Variants in CTDSPL observed in about 807,000 individuals in gnomAD.
CTDSPL encodes CTD small phosphatase like, also known as CTD small phosphatase-like protein.
In CTDSPL, 8 loss-of-function variants were observed where a neutral mutation model predicts 30.5. The ratio of observed to expected loss-of-function variants is 0.26; its 90% CI spans 0.15 to 0.47. The LOEUF is 0.47. Ranked by LOEUF, CTDSPL falls within the 20% of genes least tolerant of loss-of-function variation. CTDSPL has a pLI of 0.99. For synonymous variants in CTDSPL, 110 were observed against 137.9 expected (o/e 0.80, Z 1.42); for missense variants, 248 against 366.1 (o/e 0.68, Z 2.63).
chr3:37,920,766 A>G (rs1168392518), intron 1 of CTDSPL, among the ~76,000 whole-genome samples: 1 of 152,264 alleles, frequency 6.6e-6, no homozygotes, highest in South Asian at 2.1e-4. Context: ...TGCTTTCAGT[A>G]GCTCTAGGGG....
intron 1 of CTDSPL, among the ~76,000 whole-genome samples, chr3:37,921,451 T>C (rs942319500): frequency 1.3e-5 from 2 of 152,214 alleles, no homozygotes; most frequent in African/African-American, 4.8e-5. Flanking sequence ...TTAGAGACTG[T>C]ATTGCAGGTC....
intron 1 of CTDSPL, among the ~76,000 whole-genome samples, chr3:37,925,531 C>G (rs1698771580): frequency 6.6e-6 from 1 of 152,198 alleles, no homozygotes; most frequent in Non-Finnish European, 1.5e-5. Flanking sequence ...AGAATAGGAA[C>G]AAGCAGGGCT....
In CTDSPL at chr3:37,885,360, G is replaced by C. The variant is rs558590258; in HGVS notation, c.79+23082G>C. Among the ~76,000 whole-genome samples the C allele has an allele frequency of 2.0e-5, 3 of 152,324 alleles. No homozygotes were observed. In the South Asian group the frequency reaches 6.2e-4, roughly 32 times the overall value. ...TGTGGGTAGGTCAGAGGGTTGTGTT[G>C]CTGGAAGTTTCAGTGTTCTTCCTCA... On this transcript the variant is annotated intron_variant, in intron 1 of 7. Coordinates refer to ENST00000273179, the MANE Select transcript of CTDSPL (RefSeq NM_001008392.2).
chr3:37,877,708 G>A (rs1698154226), intron 1 of CTDSPL, among the ~76,000 whole-genome samples: 1 of 140,666 alleles, frequency 7.1e-6, no homozygotes, highest in Admixed American at 7.1e-5. Context: ...TATTTGGCTT[G>A]TGGTTCTGCG....
intron 3 of CTDSPL, among the ~76,000 whole-genome samples, chr3:37,957,688 G>A (rs1211379617): frequency 6.6e-6 from 1 of 152,194 alleles, no homozygotes; most frequent in African/African-American, 2.4e-5. Context: ...CAGGCCTGCT[G>A]TGCTGCCACT....
chr3:37,963,727 C>T (rs1699267585), intron 3 of CTDSPL, among the ~76,000 whole-genome samples: 1 of 152,000 alleles, frequency 6.6e-6, no homozygotes, highest in South Asian at 2.1e-4. Context: ...CTGAAGATAC[C>T]CAGCATTTTA....
Position 37,967,814 on chromosome 3 carries a change from T to G in CTDSPL, c.370-12T>G. ...CTTCAGACATATTAATTATAGTCTC[T>G]TTTTTCTCTAGCCTATTAGTAATGC... is the stretch of plus-strand genomic sequence containing the variant. On this transcript the variant is annotated splice_polypyrimidine_tract_variant and intron_variant, in intron 4 of 7. Transcript: ENST00000273179. 6.4e-7 allele frequency: 1 copy of G among 1,572,862 alleles called. No homozygotes were observed. The highest frequency in any genetic ancestry group is 8.6e-7 in the Non-Finnish European group (1 of 1,158,698).
Position 37,969,811 on chromosome 3 carries a change from A to C in CTDSPL, c.427-1596A>C, listed in dbSNP as rs145089215. Among the ~76,000 whole-genome samples, 18 of 151,768 alleles carry C rather than the reference A, an allele frequency of 1.2e-4. No homozygotes were observed. In the East Asian group the frequency reaches 2.9e-3, roughly 25 times the overall value. Reference sequence around the variant, plus strand: ...CACCCTCAGCCACAAATCCATGTCCACCTCCTTCTTTCAGTCACCCATGAA... The same window carrying C: ...CACCCTCAGCCACAAATCCATGTCCCCCTCCTTCTTTCAGTCACCCATGAA... On this transcript the variant is annotated intron_variant, in intron 5 of 7. Transcript: ENST00000273179.
chr3:37,908,737 A>G (rs1372120500), intron 1 of CTDSPL, among the ~76,000 whole-genome samples: 2 of 152,240 alleles, frequency 1.3e-5, no homozygotes, highest in Non-Finnish European at 2.9e-5. Flanking sequence ...GAAGGATAGT[A>G]ACAATTTACA....
In CTDSPL at chr3:37,980,868, C is replaced by T; in HGVS notation, c.*1C>T. The T allele has an allele frequency of 6.2e-7, 1 of 1,613,516 alleles. No individual in the cohort carries two copies. The highest frequency in any genetic ancestry group is 8.5e-7 in the Non-Finnish European group (1 of 1,179,582). ...GCTGCACAGACTCTGCAATAGGTAGCCCTGGCCTCTGCCTGCCTCCCGCCT... is the reference window on the plus strand; with the variant it reads ...GCTGCACAGACTCTGCAATAGGTAGTCCTGGCCTCTGCCTGCCTCCCGCCT... On this transcript the variant is annotated 3_prime_UTR_variant, in exon 8 of 8. Transcript: ENST00000273179.
intron 4 of CTDSPL, among the ~76,000 whole-genome samples, chr3:37,965,405 T>C (rs1382000850): frequency 6.6e-6 from 1 of 152,208 alleles, no homozygotes; most frequent in African/African-American, 2.4e-5. Context: ...ACCATTTTTT[T>C]TTGACGTGAA....
At chr3:37,952,336 G>A (rs930378473) in intron 2 of CTDSPL, among the ~76,000 whole-genome samples, 2 of 152,206 alleles carry the variant, frequency 1.3e-5, no homozygotes, top group African/African-American at 4.8e-5. Flanking sequence ...TAGTTGGTGG[G>A]ATTTGGATTT....
intron 6 of CTDSPL, 147 bp downstream of exon 6, chr3:37,971,646 G>T: frequency 1.5e-6 from 1 of 688,626 alleles, no homozygotes; most frequent in Non-Finnish European, 2.5e-6. Context: ...GATGGATGCA[G>T]GCCATGTGCA....
chr3:37,892,096 G>A (rs1698334801), intron 1 of CTDSPL, among the ~76,000 whole-genome samples: 1 of 152,092 alleles, frequency 6.6e-6, no homozygotes, highest in Non-Finnish European at 1.5e-5. Flanking sequence ...ATTCATCTAT[G>A]CATCTCCCTA....
At chr3:37,948,978 G>T (rs921482987) in intron 2 of CTDSPL, among the ~76,000 whole-genome samples, 2 of 150,962 alleles carry the variant, frequency 1.3e-5, no homozygotes, top group East Asian at 3.9e-4. Flanking sequence ...CCGCCACCGC[G>T]CCCGGCTAAT....
At chr3:37,878,075 T>A (rs1170674774) in intron 1 of CTDSPL, among the ~76,000 whole-genome samples, 1 of 152,208 alleles carries the variant, frequency 6.6e-6, no homozygotes, top group African/African-American at 2.4e-5. Flanking sequence ...TGTCTCCACA[T>A]CCTCATCACA....
intron 1 of CTDSPL, among the ~76,000 whole-genome samples, chr3:37,892,040 A>C (rs1178540726): frequency 6.6e-6 from 1 of 152,232 alleles, no homozygotes; most frequent in Non-Finnish European, 1.5e-5. Flanking sequence ...CAGAACCTAC[A>C]GATCGGCCAC....
chr3:37,940,493 C>T (rs974267340), intron 1 of CTDSPL, among the ~76,000 whole-genome samples: 1 of 150,624 alleles, frequency 6.6e-6, no homozygotes, highest in African/African-American at 2.4e-5. Context: ...TGTAACCCAG[C>T]TCCTTTTTTC....
At chr3:37,869,793 A>G (rs981005761) in intron 1 of CTDSPL, among the ~76,000 whole-genome samples, 3 of 152,046 alleles carry the variant, frequency 2.0e-5, no homozygotes, top group East Asian at 1.9e-4. Context: ...TTCTAATTCA[A>G]TTTTTCTGAG....
Sources: gnomAD v4.1 joint callset for allele counts (sites outside exome capture counted in the v4.1 genomes callset) on GRCh38, gnomAD v4.1.1 for gene constraint, MANE v1.5 for transcripts, NCBI Gene and HGNC (gene_info 2026-07-23, HGNC 2026-07-21) for gene names.